Variants in KCNE3 observed in about 807,000 individuals in gnomAD.
KCNE3 encodes potassium voltage-gated channel subfamily E regulatory subunit 3.
Under a neutral mutation model 4.3 loss-of-function variants are expected in KCNE3, and 2 were observed. That is an observed-to-expected ratio of 0.47 (90% CI 0.19 to 1.48). The LOEUF is 1.48. Ranked by LOEUF, KCNE3 falls within the 40% of genes most tolerant of loss-of-function variation. The probability of loss-of-function intolerance (pLI) is 0.25; values close to 1 mark genes in which losing one functional copy is unlikely to be tolerated. For missense variants in KCNE3, 128 were observed against 136.8 expected (o/e 0.94, Z 0.32); for synonymous variants, 47 against 52.0 (o/e 0.90, Z 0.41).
In KCNE3 at chr11:74,465,292, C is replaced by T. The variant is rs1248297975; in HGVS notation, c.-190+2106G>A. Among the ~76,000 whole-genome samples, 5 of 152,114 alleles carry T rather than the reference C, an allele frequency of 3.3e-5. No homozygotes were observed. In the South Asian group the frequency reaches 6.2e-4, roughly 19 times the overall value. On this transcript the variant is annotated intron_variant, in intron 1 of 2. Coordinates refer to ENST00000310128, the MANE Select transcript of KCNE3 (RefSeq NM_005472.5). ...AAGAGCATTCCCCCGCTCTGGCACACGCACATACATTCATGAAAACAGTTT... is the reference window on the plus strand; with the variant it reads ...AAGAGCATTCCCCCGCTCTGGCACATGCACATACATTCATGAAAACAGTTT...
chr11:74,459,016 C>T (rs886787652), intron 2 of KCNE3, among the ~76,000 whole-genome samples: 2 of 152,090 alleles, frequency 1.3e-5, no homozygotes, highest in Admixed American at 6.5e-5. Flanking sequence ...GTCAGGGAAA[C>T]GGGAACAGGT....
chr11:74,457,647 C>T, intron 2 of KCNE3, 44 bp from the exon 3 acceptor site: 2 of 1,246,648 alleles, frequency 1.6e-6, no homozygotes, highest in South Asian at 1.2e-5. Context: ...CTGTCACCTG[C>T]AGCTCAAATG....
intron 2 of KCNE3, among the ~76,000 whole-genome samples, chr11:74,460,692 GGA>G (rs1183147746): frequency 6.6e-6 from 1 of 152,224 alleles, no homozygotes; most frequent in African/African-American, 2.4e-5. Flanking sequence ...ATGTGGGGCA[GGA>G]GAGAGAGGAT....
At position 74,457,704 on chromosome 11, in the gene KCNE3, T is replaced by C. The variant is rs1863855826; in HGVS notation, c.-40-101A>G. The C allele has an allele frequency of 2.4e-5, 19 of 797,304 alleles. 1 individual carries two copies. In the South Asian group the frequency reaches 2.8e-4, roughly 12 times the overall value. 49.4% of individuals were successfully genotyped at this position (797,304 alleles called of 1,614,324 possible). A position where few individuals can be genotyped will look rare whatever the true frequency, so the allele number is the denominator to read the frequency against. On this transcript the variant is annotated intron_variant, in intron 2 of 2. Transcript: ENST00000310128. ...GGTAAAATCTTAGCATCATGGCTGA[T>C]ATGGTTTGGCTGTGTCCCCACCCAA... is the stretch of plus-strand genomic sequence containing the variant.
rs758367217 is a variant in KCNE3, at chr11:74,457,382, A to G, written c.182T>C (p.Ile61Thr). ...AGCAAATAGAAACATGACAAAGAGA[A>G]TGTACATGTAGGAGTTGTCATCACG... ...PGRDDNSYMY[I>T]LFVMFLFAVT... The change falls in exon 3 of 3, where the codon ATT becomes ACT. Residue 61 changes from isoleucine to threonine, a missense_variant. Transcript: ENST00000310128. The G allele has an allele frequency of 3.7e-6, 6 of 1,614,050 alleles. No homozygotes were observed. The African/African-American group carries it at 8.0e-5, about 22-fold the overall frequency.
chr11:74,457,229 TC>T lies in KCNE3; in HGVS notation c.*22del, dbSNP rs773675377. 1.2e-6 allele frequency: 2 copies of T among 1,610,004 alleles called. No homozygotes were observed. The highest frequency in any genetic ancestry group is 1.7e-6 in the Non-Finnish European group (2 of 1,178,150). On this transcript the variant is annotated 3_prime_UTR_variant, in exon 3 of 3. Coordinates refer to ENST00000310128, the MANE Select transcript of KCNE3 (RefSeq NM_005472.5). ...ACGCAATCCCCAGGTGTCTTGGTCT[TC>T]CACCGTCCCAGCCCTCTCGTGTTAG...
At chr11:74,459,960 T>C (rs1863914798) in intron 2 of KCNE3, among the ~76,000 whole-genome samples, 1 of 152,190 alleles carries the variant, frequency 6.6e-6, no homozygotes, top group Non-Finnish European at 1.5e-5. Context: ...TTTAAGGAAT[T>C]CTCTATGGGC....
chr11:74,456,821 T>C lies in KCNE3; in HGVS notation c.*431A>G. 1 of 214,900 alleles carries C rather than the reference T, an allele frequency of 4.7e-6. No homozygotes were observed. The highest frequency in any genetic ancestry group is 6.7e-5 in the South Asian group (1 of 15,030). 13.3% of individuals were successfully genotyped at this position (214,900 alleles called of 1,614,324 possible). A position where few individuals can be genotyped will look rare whatever the true frequency, so the allele number is the denominator to read the frequency against. On this transcript the variant is annotated 3_prime_UTR_variant, in exon 3 of 3. Coordinates refer to ENST00000310128, the MANE Select transcript of KCNE3 (RefSeq NM_005472.5). ...GGGGCAGGGTGGTGGTGGTAAATCATATCTGTGATATGGGATAGTCATCAC... is the reference window on the plus strand; with the variant it reads ...GGGGCAGGGTGGTGGTGGTAAATCACATCTGTGATATGGGATAGTCATCAC...
chr11:74,466,793 G>A (rs146596141), intron 1 of KCNE3, among the ~76,000 whole-genome samples: 10 of 152,158 alleles, frequency 6.6e-5, no homozygotes, highest in Non-Finnish European at 1.3e-4. Context: ...AGCACAAGGC[G>A]CAGAGCTGAG....
At chr11:74,463,042 G>A (rs1327159466) in intron 1 of KCNE3, among the ~76,000 whole-genome samples, 2 of 152,162 alleles carry the variant, frequency 1.3e-5, no homozygotes, top group East Asian at 3.9e-4. Context: ...AGATGCTTCT[G>A]AGCCCTGGGA....
At chr11:74,459,575 G>A (rs746280526) in intron 2 of KCNE3, among the ~76,000 whole-genome samples, 1 of 151,962 alleles carries the variant, frequency 6.6e-6, no homozygotes, top group Non-Finnish European at 1.5e-5. Flanking sequence ...AAACAGACTT[G>A]CATCCTTGTC....
chr11:74,459,347 C>T (rs1368497342), intron 2 of KCNE3, among the ~76,000 whole-genome samples: 2 of 147,636 alleles, frequency 1.4e-5, no homozygotes, highest in East Asian at 2.0e-4. Context: ...CTGCAAGTTC[C>T]GCCTCCTGGG....
rs1431454208 is a variant in KCNE3 at position 74,455,813 on chromosome 11, C to G, written c.*1439G>C. On this transcript the variant is annotated 3_prime_UTR_variant, in exon 3 of 3. Transcript: ENST00000310128. ...CGTGATCTTGGCTTACTGCAACCTC[C>G]ACCTCCCGGGTTCAAACAATTCTCC... is the stretch of plus-strand genomic sequence containing the variant. The G allele has an allele frequency of 6.6e-6, 1 of 151,728 alleles. No individual in the cohort carries two copies. The highest frequency in any genetic ancestry group is 1.5e-5 in the Non-Finnish European group (1 of 67,946). The allele number at this position is 151,728 out of a possible 1,614,324, so 9.4% of individuals were successfully genotyped here. A position where few individuals can be genotyped will look rare whatever the true frequency, so the allele number is the denominator to read the frequency against.
intron 1 of KCNE3, among the ~76,000 whole-genome samples, chr11:74,466,688 C>G (rs1229766250): frequency 6.6e-6 from 1 of 152,072 alleles, no homozygotes; most frequent in African/African-American, 2.4e-5. Flanking sequence ...ATAAGAGACT[C>G]TGAGGTCCAA....
chr11:74,461,783 T>TAA (rs766713854), intron 2 of KCNE3, among the ~76,000 whole-genome samples, 172 bp downstream of exon 2: 2 of 139,790 alleles, frequency 1.4e-5, no homozygotes, highest in African/African-American at 2.6e-5. Flanking sequence ...CACATAGGTT[T>TAA]AAAAAAAAAA....
rs1367009110 is a variant in KCNE3 at position 74,457,082 on chromosome 11, G to A, written c.*170C>T. On this transcript the variant is annotated 3_prime_UTR_variant, in exon 3 of 3. Coordinates refer to ENST00000310128, the MANE Select transcript of KCNE3 (RefSeq NM_005472.5). Reference sequence around the variant, plus strand: ...AAAAAATCCTTATGCACAAGGCTTCGGTCTACCAGCCCCTCTTCTCCCACC... The same window carrying A: ...AAAAAATCCTTATGCACAAGGCTTCAGTCTACCAGCCCCTCTTCTCCCACC... 5 of 677,424 alleles carry A rather than the reference G, an allele frequency of 7.4e-6. No homozygotes were observed. Among genetic ancestry groups the A allele is most frequent in the Admixed American group, 7.2e-5 (3 of 41,596 alleles). 42.0% of individuals were successfully genotyped at this position (677,424 alleles called of 1,614,324 possible).
chr11:74,456,507 G>C lies in KCNE3; in HGVS notation c.*745C>G, dbSNP rs1164379223. ...TAGAGCTAACGAGGCCTAACATTCA[G>C]GGTCCTGACTCACATGAGCTCCTTC... On this transcript the variant is annotated 3_prime_UTR_variant, in exon 3 of 3. Coordinates refer to ENST00000310128, the MANE Select transcript of KCNE3 (RefSeq NM_005472.5). 6.6e-6 allele frequency: 1 copy of C among 152,184 alleles called. No homozygotes were observed. The highest frequency in any genetic ancestry group is 2.4e-5 in the African/African-American group (1 of 41,404). The allele number at this position is 152,184 out of a possible 1,614,324, so 9.4% of individuals were successfully genotyped here. A position where few individuals can be genotyped will look rare whatever the true frequency, so the allele number is the denominator to read the frequency against.
In KCNE3 at chr11:74,455,017, G is replaced by C. The variant is rs1240664875; in HGVS notation, c.*2235C>G. On this transcript the variant is annotated 3_prime_UTR_variant, in exon 3 of 3. Transcript: ENST00000310128. ...CAACAGGGCTCAGCACAGGTTTGCA[G>C]AGCATCAACATAACTGCATATGGCA... 1.3e-5 allele frequency: 2 copies of C among 152,234 alleles called. No homozygotes were observed. The highest frequency in any genetic ancestry group is 2.9e-5 in the Non-Finnish European group (2 of 68,046). The allele number at this position is 152,234 out of a possible 1,614,324, so 9.4% of individuals were successfully genotyped here.
intron 1 of KCNE3, chr11:74,464,206 TG>T (rs916960323): frequency 1.5e-4 from 23 of 152,330 alleles, no homozygotes; most frequent in African/African-American, 5.1e-4. Flanking sequence ...AGGGATGAAC[TG>T]GGGATCTTAG....
Sources: allele counts gnomAD v4.1 joint callset (sites outside exome capture counted in the v4.1 genomes callset), GRCh38; gene constraint gnomAD v4.1.1; transcripts MANE v1.5; gene names NCBI Gene and HGNC (gene_info 2026-07-23, HGNC 2026-07-21).